Variants in DPT observed in about 807,000 individuals in gnomAD.
DPT encodes dermatopontin.
In DPT, 21 loss-of-function variants were observed where a neutral mutation model predicts 31.2. That is an observed-to-expected ratio of 0.67 (90% CI 0.48 to 0.97). DPT has a LOEUF of 0.97. DPT is among the 50% of genes least tolerant of loss of function. The pLI is 0.00. For missense variants in DPT, 262 were observed against 258.8 expected (o/e 1.01, Z -0.08); for synonymous variants, 91 against 86.9 (o/e 1.05, Z -0.26).
chr1:168,700,545 C>A (rs1435596651), intron 3 of DPT, among the ~76,000 whole-genome samples: 1 of 152,074 alleles, frequency 6.6e-6, no homozygotes, highest in Non-Finnish European at 1.5e-5. Context: ...GGAAGGGGGT[C>A]CATTTTGACA....
intron 1 of DPT, among the ~76,000 whole-genome samples, chr1:168,718,364 T>TACA (rs1650032717): frequency 6.6e-6 from 1 of 152,250 alleles, no homozygotes; most frequent in Non-Finnish European, 1.5e-5. Context: ...GAAGTGTGTG[T>TACA]CACTTTCTCA....
Position 168,709,170 on chromosome 1 carries a change from G to A in DPT, c.431+5051C>T, listed in dbSNP as rs1649792991. On this transcript the variant is annotated intron_variant, in intron 2 of 3. Coordinates refer to ENST00000367817, the MANE Select transcript of DPT (RefSeq NM_001937.5). ...CCATGGGTCTGGAGAAGAGCCATTT[G>A]GAAAAGAAAATGATTCACAACCATC... is the stretch of plus-strand genomic sequence containing the variant. Among the ~76,000 whole-genome samples, 3 of 152,160 alleles carry A rather than the reference G, an allele frequency of 2.0e-5. No individual in the cohort carries two copies. The South Asian group carries it at 6.2e-4, about 32-fold the overall frequency.
chr1:168,705,376 T>C (rs1232746802), intron 2 of DPT, among the ~76,000 whole-genome samples: 3 of 152,112 alleles, frequency 2.0e-5, no homozygotes, highest in Non-Finnish European at 4.4e-5. Flanking sequence ...CATGAACAGA[T>C]ACAGCTTCAT....
intron 3 of DPT, among the ~76,000 whole-genome samples, chr1:168,697,288 T>A (rs945816693): frequency 2.0e-5 from 3 of 152,110 alleles, no homozygotes; most frequent in African/African-American, 7.2e-5. Flanking sequence ...AATCTTGTTT[T>A]AAAAAGTCCG....
intron 1 of DPT, among the ~76,000 whole-genome samples, chr1:168,725,011 G>A (rs914856717): frequency 1.3e-5 from 2 of 152,130 alleles, no homozygotes; most frequent in East Asian, 1.9e-4. Flanking sequence ...TGGAAAGCTG[G>A]CTTGCCCAAC....
At chr1:168,726,577 G>T (rs1650247598) in intron 1 of DPT, among the ~76,000 whole-genome samples, 1 of 152,218 alleles carries the variant, frequency 6.6e-6, no homozygotes, top group African/African-American at 2.4e-5. Flanking sequence ...ATTAGAACCA[G>T]GATCCAGACC....
intron 2 of DPT, among the ~76,000 whole-genome samples, chr1:168,711,553 T>C (rs547787699): frequency 5.3e-5 from 8 of 152,342 alleles, no homozygotes; most frequent in Middle Eastern, 6.8e-3. Context: ...TGGGGAAGAA[T>C]GAGTTAGTAC....
At position 168,727,057 on chromosome 1, in the gene DPT, G is replaced by A. The variant is rs142971262; in HGVS notation, c.305+1813C>T. On this transcript the variant is annotated intron_variant, in intron 1 of 3. Transcript: ENST00000367817. ...ATCATCCCTCTGGGGCTGGGCTTCT[G>A]CTGTGGTCTTGCAGGTCCCCACCCT... Among the ~76,000 whole-genome samples the A allele has an allele frequency of 3.4e-3, 517 of 152,326 alleles. 7 individuals are homozygous for A. The highest frequency in any genetic ancestry group is 0.03 in the South Asian group (146 of 4,824).
chr1:168,696,486 A>T lies in DPT; in HGVS notation c.*63T>A, dbSNP rs1264455818. The T allele has an allele frequency of 1.2e-5, 17 of 1,414,426 alleles. No individual in the cohort carries two copies. Among genetic ancestry groups the T allele is most frequent in the Non-Finnish European group, 1.6e-5 (16 of 1,019,502 alleles). The allele number at this position is 1,414,426 out of a possible 1,614,324, so 87.6% of individuals were successfully genotyped here. A position where few individuals can be genotyped will look rare whatever the true frequency, so the allele number is the denominator to read the frequency against. On this transcript the variant is annotated 3_prime_UTR_variant, in exon 4 of 4. Coordinates refer to ENST00000367817, the MANE Select transcript of DPT (RefSeq NM_001937.5). ...TATAGGAGATCCAACTGATGTTAAC[A>T]TATGTGGACACCCTCCTGTCCCCGG...
intron 1 of DPT, among the ~76,000 whole-genome samples, chr1:168,722,585 C>T (rs189852746): frequency 8.5e-5 from 13 of 152,246 alleles, no homozygotes; most frequent in African/African-American, 2.4e-4. Context: ...CTTCTCACCA[C>T]GATCACCATT....
intron 1 of DPT, among the ~76,000 whole-genome samples, chr1:168,722,208 T>C (rs1650131049): frequency 6.6e-6 from 1 of 152,200 alleles, no homozygotes; most frequent in Admixed American, 6.5e-5. Flanking sequence ...ATATCAATTA[T>C]AATATTTTTA....
chr1:168,703,634 T>C (rs1234715174), intron 2 of DPT, among the ~76,000 whole-genome samples: 2 of 152,228 alleles, frequency 1.3e-5, no homozygotes, highest in African/African-American at 4.8e-5. Flanking sequence ...CTTTTGGTTG[T>C]TGTTATTTTG....
At chr1:168,714,130 G>A in intron 2 of DPT, 91 bp downstream of exon 2, 3 of 1,563,958 alleles carry the variant, frequency 1.9e-6, no homozygotes. Context: ...AGGCTTGTGT[G>A]TGACCCTCAA....
chr1:168,710,794 G>A (rs895237011), intron 2 of DPT, among the ~76,000 whole-genome samples: 10 of 151,922 alleles, frequency 6.6e-5, no homozygotes, highest in Non-Finnish European at 8.8e-5. Context: ...AACAACGGTG[G>A]AACTGGAAAC....
intron 1 of DPT, among the ~76,000 whole-genome samples, chr1:168,721,396 G>T (rs573418): frequency 6.6e-6 from 1 of 151,918 alleles, no homozygotes; most frequent in African/African-American, 2.4e-5. Flanking sequence ...CTGGCACAAC[G>T]TATATAATTG....
At chr1:168,696,689 A>G in intron 3 of DPT, 74 bp from the exon 4 acceptor site, 1 of 1,331,958 alleles carries the variant, frequency 7.5e-7, no homozygotes, top group Non-Finnish European at 1.1e-6. Context: ...CTGGGGAAAC[A>G]GCAGCAGAGA....
rs186728644 is a variant in DPT at position 168,705,463 on chromosome 1, C to G, written c.432-4339G>C. ...ACCAGAAAAGCACACACCACAGACT[C>G]CCTACCATAAAAACTGGAAAAAAAC... is the stretch of plus-strand genomic sequence containing the variant. On this transcript the variant is annotated intron_variant, in intron 2 of 3. Transcript: ENST00000367817. Among the ~76,000 whole-genome samples, 68 of 152,238 alleles carry G rather than the reference C, an allele frequency of 4.5e-4. 1 individual carries two copies. Among genetic ancestry groups the G allele is most frequent in the Admixed American group, 4.4e-3 (68 of 15,292 alleles).
intron 1 of DPT, among the ~76,000 whole-genome samples, chr1:168,723,313 C>A (rs976868439): frequency 2.6e-5 from 4 of 152,240 alleles, no homozygotes; most frequent in African/African-American, 9.6e-5. Flanking sequence ...GCAACCTCCT[C>A]ATGTGTGAAA....
chr1:168,716,305 T>C (rs1649985705), intron 1 of DPT, among the ~76,000 whole-genome samples: 1 of 152,312 alleles, frequency 6.6e-6, no homozygotes, highest in South Asian at 2.1e-4. Flanking sequence ...ACTTTGCTAT[T>C]ATGTTGTGAG....
Sources: gnomAD v4.1 joint callset for allele counts (sites outside exome capture counted in the v4.1 genomes callset) on GRCh38, gnomAD v4.1.1 for gene constraint, MANE v1.5 for transcripts, NCBI Gene and HGNC (gene_info 2026-07-23, HGNC 2026-07-21) for gene names.